The following BCL6 variants were observed in gnomAD, a reference collection of about 807,000 sequenced individuals.
BCL6 encodes the protein B-cell lymphoma 6 protein.
In BCL6, 7 loss-of-function variants were observed where a neutral mutation model predicts 59.5. The observed-to-expected ratio is 0.12, with a 90% CI of 0.07 to 0.22. The LOEUF is 0.22. Ranked by LOEUF, BCL6 falls within the 10% of genes least tolerant of loss-of-function variation. The probability of loss-of-function intolerance (pLI) is 1.00; values close to 1 mark genes in which losing one functional copy is unlikely to be tolerated. For synonymous variants in BCL6, 339 were observed against 349.7 expected (o/e 0.97, Z 0.34); for missense variants, 685 against 939.4 (o/e 0.73, Z 3.54).
intron 1 of BCL6, among the ~76,000 whole-genome samples, chr3:187,744,142 T>G (rs1711752661): frequency 6.6e-6 from 1 of 152,042 alleles, no homozygotes; most frequent in East Asian, 1.9e-4. Context: ...TAAAATAAAA[T>G]TTAGGAAAGG....
At chr3:187,739,574 A>G (rs61750903) in intron 1 of BCL6, among the ~76,000 whole-genome samples, 34 of 152,334 alleles carry the variant, frequency 2.2e-4, no homozygotes, top group African/African-American at 7.9e-4. Context: ...TTTCCTGCCA[A>G]CAGTGCTCTT....
chr3:187,728,924 C>A, intron 5 of BCL6, 126 bp downstream of exon 5: 1 of 1,304,072 alleles, frequency 7.7e-7, no homozygotes, highest in Non-Finnish European at 1.0e-6. Context: ...CTCAGACTAA[C>A]TCAATCTATA....
chr3:187,722,692 G>A (rs1270179280), intron 9 of BCL6, 91 bp from the exon 10 acceptor site: 26 of 1,516,892 alleles, frequency 1.7e-5, no homozygotes, highest in Middle Eastern at 1.8e-4. Context: ...TTCTCCCTAC[G>A]AGGGACTGGG....
intron 1 of BCL6, among the ~76,000 whole-genome samples, chr3:187,745,064 A>G (rs1711862255): frequency 1.3e-5 from 2 of 151,782 alleles, no homozygotes; most frequent in Admixed American, 6.6e-5. Context: ...AAACCAAAAC[A>G]ACACAAGGGA....
Position 187,725,315 on chromosome 3 carries a change from C to T in BCL6, c.1839+184G>A, listed in dbSNP as rs9759194. On this transcript the variant is annotated intron_variant, in intron 8 of 9. Transcript: ENST00000406870. This position sits in a 1 kb window ranked among gnomAD's most constrained non-coding sequence, Gnocchi z 4.7. ...CACCTGCCCGCTCTGCTCACCTGCC[C>T]GCTCTGCTCACCTGCACACGGGGAC... Among the ~76,000 whole-genome samples, 3,356 of 151,948 alleles carry T rather than the reference C, an allele frequency of 0.022. 134 individuals are homozygous for T. The highest frequency in any genetic ancestry group is 0.074 in the African/African-American group (3,056 of 41,392).
intron 1 of BCL6, among the ~76,000 whole-genome samples, 152 bp downstream of exon 1, chr3:187,745,258 C>T (rs929797612): frequency 2.6e-5 from 4 of 151,858 alleles, no homozygotes; most frequent in East Asian, 1.9e-4. Flanking sequence ...ACATAGAAAA[C>T]TTGGAGCCAA....
chr3:187,739,962 C>T (rs902856537), intron 1 of BCL6, among the ~76,000 whole-genome samples: 1 of 152,192 alleles, frequency 6.6e-6, no homozygotes, highest in Non-Finnish European at 1.5e-5. Flanking sequence ...AAACTCGTTC[C>T]CAGATTCGTT....
chr3:187,745,174 G>A (rs530098838), intron 1 of BCL6, among the ~76,000 whole-genome samples: 1 of 151,950 alleles, frequency 6.6e-6, no homozygotes, highest in African/African-American at 2.4e-5. Context: ...AGAGACGTGG[G>A]ACTAATCTTC....
At chr3:187,728,963 C>T in intron 5 of BCL6, 87 bp downstream of exon 5, 1 of 1,480,776 alleles carries the variant, frequency 6.8e-7, no homozygotes. Flanking sequence ...CTAATAGGCT[C>T]AGCAATTCAG....
At chr3:187,744,560 A>G (rs1576885134) in intron 1 of BCL6, among the ~76,000 whole-genome samples, 1 of 152,064 alleles carries the variant, frequency 6.6e-6, no homozygotes, top group African/African-American at 2.4e-5. Flanking sequence ...ACTTCATCTC[A>G]TCTGGATTTA....
rs996016469 is a variant in BCL6, at chr3:187,721,595, G to GC, written c.*862dup. The GC allele has an allele frequency of 4.3e-6, 1 of 233,008 alleles. No individual in the cohort carries two copies. Among genetic ancestry groups the GC allele is most frequent in the African/African-American group, 2.2e-5 (1 of 45,278 alleles). The allele number at this position is 233,008 out of a possible 1,614,324, so 14.4% of individuals were successfully genotyped here. A position where few individuals can be genotyped will look rare whatever the true frequency, so the allele number is the denominator to read the frequency against. ...CTTCAAAAAGGGATGGTGCACGCTC[G>GC]CCCATCATTGAAAACTTCCGTGAAA... On this transcript the variant is annotated 3_prime_UTR_variant, in exon 10 of 10. Transcript: ENST00000406870. The surrounding 1 kb of genome is among the most constrained non-coding windows in gnomAD (Gnocchi z 4.2).
chr3:187,738,345 C>A lies in BCL6; in HGVS notation c.-49-3438G>T, dbSNP rs146519769. 3.9e-5 allele frequency among the ~76,000 whole-genome samples: 6 copies of A among 152,270 alleles called. No homozygotes were observed. In the East Asian group the frequency reaches 1.2e-3, roughly 29 times the overall value. On this transcript the variant is annotated intron_variant, in intron 1 of 9. Coordinates refer to ENST00000406870, the MANE Select transcript of BCL6 (RefSeq NM_001706.5). ...GGGCTGAGGGTCTCCATCATAGGCGCCCCAGGCAAGGTTGGAGAAAAACTA... is the reference window on the plus strand; with the variant it reads ...GGGCTGAGGGTCTCCATCATAGGCGACCCAGGCAAGGTTGGAGAAAAACTA...
intron 1 of BCL6, among the ~76,000 whole-genome samples, chr3:187,743,164 C>G (rs1185602287): frequency 6.6e-6 from 1 of 152,220 alleles, no homozygotes; most frequent in Non-Finnish European, 1.5e-5. Flanking sequence ...GGTTCCCTCT[C>G]TCCTGCCCCA....
intron 9 of BCL6, among the ~76,000 whole-genome samples, chr3:187,723,124 TG>T (rs1718506438): frequency 6.6e-6 from 1 of 152,218 alleles, no homozygotes; most frequent in African/African-American, 2.4e-5. Flanking sequence ...GCAATTAATC[TG>T]AACACATCTG....
In BCL6 at chr3:187,729,831, G is replaced by A. The variant is rs150319050; in HGVS notation, c.574C>T (p.Pro192Ser). 27 of 1,614,036 alleles carry A rather than the reference G, an allele frequency of 1.7e-5. No homozygotes were observed. In the African/African-American group the frequency reaches 3.3e-4, roughly 20 times the overall value. The change falls in exon 5 of 10, where the codon CCA becomes TCA. Residue 192 changes from proline to serine, a missense_variant. Coordinates refer to ENST00000406870, the MANE Select transcript of BCL6 (RefSeq NM_001706.5). This position sits in a 1 kb window ranked among gnomAD's most constrained non-coding sequence, Gnocchi z 5.6. Reference protein sequence around the residue: ...PSLYSGLSTPPASYSMYSHLP... With the variant: ...PSLYSGLSTPSASYSMYSHLP... Reference sequence around the variant, plus strand: ...TGGCTGTACATGGAATAAGAGGCTGGCGGTGTGGACAGGCCACTGTACAGG... The same window carrying A: ...TGGCTGTACATGGAATAAGAGGCTGACGGTGTGGACAGGCCACTGTACAGG...
intron 1 of BCL6, among the ~76,000 whole-genome samples, chr3:187,738,702 G>C (rs1422572178): frequency 2.6e-5 from 4 of 152,214 alleles, no homozygotes; most frequent in Non-Finnish European, 5.9e-5. Context: ...AAAGGCCGCA[G>C]TCTGGTCCTA....
At chr3:187,744,370 G>C (rs1711772635) in intron 1 of BCL6, among the ~76,000 whole-genome samples, 1 of 152,008 alleles carries the variant, frequency 6.6e-6, no homozygotes. Flanking sequence ...CTCTCCTCGG[G>C]ATGAGCAGGG....
At chr3:187,723,717 T>C (rs562419905) in intron 9 of BCL6, among the ~76,000 whole-genome samples, 1 of 152,370 alleles carries the variant, frequency 6.6e-6, no homozygotes, top group Admixed American at 6.5e-5. Context: ...GAGAATCTAC[T>C]GTATCTATGC....
At chr3:187,737,983 A>G (rs6762219) in intron 1 of BCL6, 149,006 of 152,014 alleles carry the variant, frequency 0.98, 73,095 homozygotes, top group Middle Eastern at 1. Context: ...GGATTCACCC[A>G]GGGAGGCGGG....
Sources: gnomAD v4.1 joint callset for allele counts (sites outside exome capture counted in the v4.1 genomes callset) on GRCh38, gnomAD v4.1.1 for gene constraint, Gnocchi (gnomAD v3.1) non-coding constraint, MANE v1.5 for transcripts, NCBI Gene and HGNC (gene_info 2026-07-23, HGNC 2026-07-21) for gene names.